GIGYF2: variants seen among roughly 807,000 people sequenced by gnomAD.
GIGYF2 encodes the protein GRB10-interacting GYF protein 2.
A neutral mutation model predicts 208.1 loss-of-function variants in GIGYF2; 25 were observed. The ratio of observed to expected loss-of-function variants is 0.12; its 90% CI spans 0.09 to 0.17. The LOEUF (loss-of-function observed/expected upper bound fraction) is 0.17, where lower values mean the gene tolerates loss of function less well. GIGYF2 is among the 10% of genes least tolerant of loss of function. The probability of loss-of-function intolerance (pLI) is 1.00; values close to 1 mark genes in which losing one functional copy is unlikely to be tolerated. For synonymous variants in GIGYF2, 534 were observed against 543.8 expected (o/e 0.98, Z 0.25); for missense variants, 1,302 against 1,579.4 (o/e 0.82, Z 2.98).
intron 3 of GIGYF2, among the ~76,000 whole-genome samples, chr2:232,740,650 T>C (rs1321404401): frequency 1.3e-5 from 2 of 152,206 alleles, no homozygotes; most frequent in Non-Finnish European, 2.9e-5. Context: ...CTTAGTGTAC[T>C]GGACATTGGC....
intron 9 of GIGYF2, among the ~76,000 whole-genome samples, chr2:232,789,260 T>TG (rs1005024069): frequency 3.3e-5 from 5 of 151,868 alleles, no homozygotes; most frequent in African/African-American, 4.8e-5. Context: ...TGGATGTGCG[T>TG]GGGGGTGGGA....
intron 28 of GIGYF2, among the ~76,000 whole-genome samples, chr2:232,853,038 G>A (rs1018838795): frequency 1.3e-5 from 2 of 152,088 alleles, no homozygotes; most frequent in African/African-American, 4.8e-5. Flanking sequence ...TACTCACTGA[G>A]GTTATGAAAA....
chr2:232,737,619 G>A (rs994195592), intron 3 of GIGYF2, among the ~76,000 whole-genome samples: 3 of 152,100 alleles, frequency 2.0e-5, no homozygotes, highest in South Asian at 2.1e-4. Flanking sequence ...TTTTCTTCAC[G>A]TATGACGTTC....
intron 7 of GIGYF2, among the ~76,000 whole-genome samples, chr2:232,760,953 T>TA: frequency 6.6e-6 from 1 of 152,014 alleles, no homozygotes; most frequent in East Asian, 1.9e-4. Context: ...TGCACAAAGA[T>TA]ATCTGTACAA....
intron 2 of GIGYF2, among the ~76,000 whole-genome samples, chr2:232,725,832 C>T (rs2106280835): frequency 6.6e-6 from 1 of 152,212 alleles, no homozygotes; most frequent in South Asian, 2.1e-4. Context: ...TTAGCAGTAT[C>T]CATTAGATTG....
intron 15 of GIGYF2, among the ~76,000 whole-genome samples, chr2:232,808,979 C>G (rs1234139453): frequency 6.6e-6 from 1 of 152,134 alleles, no homozygotes; most frequent in African/African-American, 2.4e-5. Context: ...GAGTCTTGCT[C>G]TGTCACCCAG....
chr2:232,765,984 G>C (rs1022433298), intron 8 of GIGYF2: 1 of 470,466 alleles, frequency 2.1e-6, no homozygotes, highest in African/African-American at 2.0e-5. Flanking sequence ...ATCCAGGTTA[G>C]TGAGCTGCAC....
intron 3 of GIGYF2, chr2:232,735,736 A>G (rs1697705723): frequency 1.0e-6 from 1 of 986,074 alleles, no homozygotes; most frequent in Non-Finnish European, 1.2e-6. Flanking sequence ...CATAATAACG[A>G]TTAATTGACC....
chr2:232,847,619 T>C, intron 27 of GIGYF2, 48 bp downstream of exon 27: 1 of 1,606,006 alleles, frequency 6.2e-7, no homozygotes, highest in Non-Finnish European at 8.5e-7. Flanking sequence ...TTAATACCTT[T>C]AGATGTTGAG....
chr2:232,740,850 G>T (rs993107003), intron 3 of GIGYF2, among the ~76,000 whole-genome samples: 1 of 152,142 alleles, frequency 6.6e-6, no homozygotes, highest in Admixed American at 6.5e-5. Context: ...TTCAGAAAGG[G>T]TAAAATATTT....
At chr2:232,735,379 T>G (rs1697691139) in intron 3 of GIGYF2, 141 bp downstream of exon 3, 2 of 678,458 alleles carry the variant, frequency 2.9e-6, no homozygotes, top group Non-Finnish European at 5.3e-6. Flanking sequence ...AATGTGTTAG[T>G]TCAGGAATAA....
At chr2:232,820,564 T>C (rs1318451684) in intron 21 of GIGYF2, among the ~76,000 whole-genome samples, 2 of 152,136 alleles carry the variant, frequency 1.3e-5, no homozygotes, top group Non-Finnish European at 2.9e-5. Context: ...TCCACCCGCC[T>C]CGGCCTCCCA....
intron 15 of GIGYF2, among the ~76,000 whole-genome samples, chr2:232,809,118 T>C (rs1700649929): frequency 6.6e-6 from 1 of 152,174 alleles, no homozygotes. Flanking sequence ...CTGATTTTTG[T>C]ATTTTTAGTG....
chr2:232,795,003 A>G (rs1700181414), intron 13 of GIGYF2, 59 bp downstream of exon 13: 2 of 1,208,506 alleles, frequency 1.7e-6, no homozygotes, highest in East Asian at 2.3e-5. Flanking sequence ...ATTAGCAGGC[A>G]TTGCATGAAT....
intron 2 of GIGYF2, among the ~76,000 whole-genome samples, chr2:232,717,093 C>G (rs7591176): frequency 6.6e-6 from 1 of 151,766 alleles, no homozygotes; most frequent in African/African-American, 2.4e-5. Context: ...GGATTACAGG[C>G]GTGAGCCACC....
intron 18 of GIGYF2, among the ~76,000 whole-genome samples, chr2:232,812,700 A>AT (rs912362159): frequency 5.9e-5 from 9 of 151,480 alleles, no homozygotes; most frequent in African/African-American, 4.9e-5. Flanking sequence ...TATTTAGTGG[A>AT]TTTTTTTTTG....
rs1701464685 is a variant in GIGYF2 at position 232,832,874 on chromosome 2, A to C, written c.2547A>C (p.Lys849Asn). The C allele has an allele frequency of 6.4e-7, 1 of 1,554,964 alleles. No individual in the cohort carries two copies. The change falls in exon 22 of 29, where the codon AAA becomes AAC. Residue 849 changes from lysine to asparagine, a missense_variant. Transcript: ENST00000373563. Reference sequence around the variant, plus strand: ...CTGGAAAGGAAGAGGAGGCTGCAAAATGGGCCCGGGAAGAAGAAGAAGCCC... The same window carrying C: ...CTGGAAAGGAAGAGGAGGCTGCAAACTGGGCCCGGGAAGAAGAAGAAGCCC... ...LLRKQEEEAA[K>N]WAREEEEAQR... is the part of the protein sequence containing the mutation.
chr2:232,751,513 G>A (rs1574836709), intron 5 of GIGYF2, among the ~76,000 whole-genome samples: 1 of 152,078 alleles, frequency 6.6e-6, no homozygotes, highest in East Asian at 1.9e-4. Flanking sequence ...CACCATGCCT[G>A]GCCACATTAT....
chr2:232,718,383 G>A (rs1014725140), intron 2 of GIGYF2, among the ~76,000 whole-genome samples: 9 of 152,172 alleles, frequency 5.9e-5, no homozygotes, highest in African/African-American at 2.2e-4. Context: ...ATAGGCATGA[G>A]CCACCGCACC....
Sources: gnomAD v4.1 joint callset for allele counts (sites outside exome capture counted in the v4.1 genomes callset) on GRCh38, gnomAD v4.1.1 for gene constraint, MANE v1.5 for transcripts, NCBI Gene and HGNC (gene_info 2026-07-23, HGNC 2026-07-21) for gene names.